The following SEMA7A variants were observed in gnomAD, a reference collection of about 807,000 sequenced individuals.
The protein encoded by SEMA7A is semaphorin-7A.
Under a neutral mutation model 67.5 loss-of-function variants are expected in SEMA7A, and 21 were observed. The observed-to-expected ratio is 0.31, with a 90% confidence interval of 0.22 to 0.45. The LOEUF is 0.45. SEMA7A is among the 20% of genes least tolerant of loss of function. The pLI is 1.00. For missense variants in SEMA7A, 774 were observed against 908.6 expected (o/e 0.85, Z 1.90); for synonymous variants, 364 against 368.5 (o/e 0.99, Z 0.14).
chr15:74,420,199 G>A (rs898471180), intron 1 of SEMA7A, among the ~76,000 whole-genome samples: 13 of 152,188 alleles, frequency 8.5e-5, no homozygotes, highest in African/African-American at 3.1e-4. Flanking sequence ...GCATTTAACA[G>A]GGGCAAGGAG....
chr15:74,417,961 C>T lies in SEMA7A; in HGVS notation c.381G>A (p.Glu127=), dbSNP rs1341492090. Residue 127 remains glutamate (E), a synonymous_variant, in exon 4 of 14, where the codon GAG becomes GAA. Coordinates refer to ENST00000261918, the MANE Select transcript of SEMA7A (RefSeq NM_003612.5). ...KGSCLDKRDC[E]NYITLLERRS... is the part of the protein sequence containing the mutation. ...GCCTCTCCAGGAGAGTGATGTAGTT[C>T]TCGCAGTCCTGCCCGGGGAAGAGAG... The T allele has an allele frequency of 1.2e-6, 2 of 1,612,980 alleles. No individual in the cohort carries two copies. Among genetic ancestry groups the T allele is most frequent in the Non-Finnish European group, 1.7e-6 (2 of 1,179,986 alleles).
chr15:74,422,906 T>C (rs2061012162), intron 1 of SEMA7A, among the ~76,000 whole-genome samples: 1 of 152,072 alleles, frequency 6.6e-6, no homozygotes, highest in Admixed American at 6.5e-5. Flanking sequence ...GAAAGAGGAG[T>C]GCAGCTCCAG....
Position 74,414,960 on chromosome 15 carries a change from G to T in SEMA7A, c.987-14C>A. The T allele has an allele frequency of 1.2e-6, 2 of 1,609,954 alleles. No individual in the cohort carries two copies. Among genetic ancestry groups the T allele is most frequent in the African/African-American group, 1.3e-5 (1 of 74,932 alleles). ...GCTGAGTAGTTCCTGCAGTGACATGGAGACCAGCTCAATGGGGGGCCCAGA... is the reference window on the plus strand; with the variant it reads ...GCTGAGTAGTTCCTGCAGTGACATGTAGACCAGCTCAATGGGGGGCCCAGA... On this transcript the variant is annotated splice_polypyrimidine_tract_variant and intron_variant, in intron 8 of 13. Transcript: ENST00000261918. The surrounding 1 kb of genome is among the most constrained non-coding windows in gnomAD (Gnocchi z 4.1).
In SEMA7A at chr15:74,419,044, T is replaced by C. The variant is rs978788286; in HGVS notation, c.179-92A>G. 1.8e-5 allele frequency: 26 copies of C among 1,442,866 alleles called. No individual in the cohort carries two copies. The African/African-American group carries it at 2.8e-4, about 16-fold the overall frequency. 89.4% of individuals were successfully genotyped at this position (1,442,866 alleles called of 1,614,324 possible). A position where few individuals can be genotyped will look rare whatever the true frequency, so the allele number is the denominator to read the frequency against. The stretch of plus-strand genomic sequence containing the variant: ...CCACATGGCACACTGGAACCAGTGC[T>C]TGGTGCTCAGGGTCCTGGCAGGGCG... On this transcript the variant is annotated intron_variant, in intron 1 of 13. Coordinates refer to ENST00000261918, the MANE Select transcript of SEMA7A (RefSeq NM_003612.5).
rs1567072178 is a variant in SEMA7A at position 74,415,860 on chromosome 15, GAGCAGGA to G, written c.920_926del (p.Phe307SerfsTer89). The G allele has an allele frequency of 1.2e-6, 2 of 1,614,120 alleles. No homozygotes were observed. Among genetic ancestry groups the G allele is most frequent in the Non-Finnish European group, 1.7e-6 (2 of 1,179,980 alleles). ...CCCTCCACTGGCCGCTGGGGTCAGG[GAGCAGGA>G]AGACGTCTTGCAGCCTGTTGAAGTT... On this transcript the variant is annotated frameshift_variant, in exon 8 of 14. Transcript: ENST00000261918. LOFTEE classifies it high-confidence loss of function.
At chr15:74,418,661 C>A (rs1221439018) in intron 2 of SEMA7A, 140 bp downstream of exon 2, 4 of 955,128 alleles carry the variant, frequency 4.2e-6, no homozygotes, top group Non-Finnish European at 6.2e-6. Flanking sequence ...GGAGCCTCCC[C>A]CAGGAGCCAT....
In SEMA7A at chr15:74,432,835, G is replaced by A. The variant is rs1053497875; in HGVS notation, c.178+906C>T. Among the ~76,000 whole-genome samples the A allele has an allele frequency of 2.6e-5, 4 of 152,102 alleles. No homozygotes were observed. The East Asian group carries it at 7.8e-4, about 30-fold the overall frequency. On this transcript the variant is annotated intron_variant, in intron 1 of 13. Transcript: ENST00000261918. ...GGCATTTGTGTGCAATGCAGGGGAG[G>A]GGAGATCAGTTCCTCGCGGCAGAAA...
Position 74,411,424 on chromosome 15 carries a change from C to G in SEMA7A, c.1578-68G>C, listed in dbSNP as rs751798959. On this transcript the variant is annotated intron_variant, in intron 12 of 13. Coordinates refer to ENST00000261918, the MANE Select transcript of SEMA7A (RefSeq NM_003612.5). This position sits in a 1 kb window ranked among gnomAD's most constrained non-coding sequence, Gnocchi z 4.4. ...GCAGACCTGACCCTCCTATCCTTACCCCAGTGCAGTTCCAGCAGAGAGGAG... is the reference window on the plus strand; with the variant it reads ...GCAGACCTGACCCTCCTATCCTTACGCCAGTGCAGTTCCAGCAGAGAGGAG... 1.9e-6 allele frequency: 3 copies of G among 1,579,458 alleles called. No individual in the cohort carries two copies. The highest frequency in any genetic ancestry group is 2.6e-6 in the Non-Finnish European group (3 of 1,159,280).
At chr15:74,413,137 CTG>C (rs1555429292) in intron 10 of SEMA7A, among the ~76,000 whole-genome samples, 1 of 151,610 alleles carries the variant, frequency 6.6e-6, no homozygotes, top group Non-Finnish European at 1.5e-5. Flanking sequence ...TCTGTGGACT[CTG>C]AGATGTGGCC....
At chr15:74,418,995 G>A (rs371090563) in intron 1 of SEMA7A, 43 bp from the exon 2 acceptor site, 23 of 1,595,990 alleles carry the variant, frequency 1.4e-5, no homozygotes, top group East Asian at 4.5e-5. Flanking sequence ...GCCAGGTCCC[G>A]AGAGAGAAGA....
Position 74,423,696 on chromosome 15 carries a change from A to G in SEMA7A, c.179-4744T>C, listed in dbSNP as rs1390230328. On this transcript the variant is annotated intron_variant, in intron 1 of 13. Transcript: ENST00000261918. The surrounding 1 kb of genome is among the most constrained non-coding windows in gnomAD (Gnocchi z 4.1). The stretch of plus-strand genomic sequence containing the variant: ...GATCTCCTAGGGGCCTTTAGTGATC[A>G]AAGCCTTAAATCCAAAGGAGTGACT... Among the ~76,000 whole-genome samples, 1 of 152,208 alleles carries G rather than the reference A, an allele frequency of 6.6e-6. No individual in the cohort carries two copies. The highest frequency in any genetic ancestry group is 1.9e-4 in the East Asian group (1 of 5,200).
At position 74,411,317 on chromosome 15, in the gene SEMA7A, C is replaced by T. The variant is rs777981953; in HGVS notation, c.1617G>A (p.Lys539=). 1 of 1,614,112 alleles carries T rather than the reference C, an allele frequency of 6.2e-7. No individual in the cohort carries two copies. Among genetic ancestry groups the T allele is most frequent in the Admixed American group, 1.7e-5 (1 of 60,010 alleles). Reference sequence around the variant, plus strand: ...TACCTGGTTTGGGGTTGGGACACTCCTTGTGTGGCTCGGCTGGATTAATGG... The same window carrying T: ...TACCTGGTTTGGGGTTGGGACACTCTTTGTGTGGCTCGGCTGGATTAATGG... The part of the protein sequence containing the change: ...LQSINPAEPH[K]ECPNPKPDKA... The change falls in exon 13 of 14, where the codon AAG becomes AAA. Residue 539 remains lysine, a synonymous_variant. Coordinates refer to ENST00000261918, the MANE Select transcript of SEMA7A (RefSeq NM_003612.5). The surrounding 1 kb of genome is among the most constrained non-coding windows in gnomAD (Gnocchi z 4.4).
intron 6 of SEMA7A, 122 bp downstream of exon 6, chr15:74,417,213 T>TGCTTTCCTGCATGGCCCC (rs2060957918): frequency 2.6e-6 from 2 of 775,172 alleles, no homozygotes; most frequent in African/African-American, 1.7e-5. Context: ...ACCAAGGTCC[T>TGCTTTCCTGCATGGCCCC]GCTTTCCTGC....
chr15:74,410,111 G>A lies in SEMA7A; in HGVS notation c.*513C>T, dbSNP rs543011537. 6.4e-6 allele frequency: 1 copy of A among 155,154 alleles called. No homozygotes were observed. Among genetic ancestry groups the A allele is most frequent in the Non-Finnish European group, 1.4e-5 (1 of 70,258 alleles). The allele number at this position is 155,154 out of a possible 1,614,324, so 9.6% of individuals were successfully genotyped here. On this transcript the variant is annotated 3_prime_UTR_variant, in exon 14 of 14. Transcript: ENST00000261918. This position sits in a 1 kb window ranked among gnomAD's most constrained non-coding sequence, Gnocchi z 7.5. ...CTGTCCTGTGGGACCCAGGACCAGAGAGGGAGCTGCAGAGGACAGGGCTGG... is the reference window on the plus strand; with the variant it reads ...CTGTCCTGTGGGACCCAGGACCAGAAAGGGAGCTGCAGAGGACAGGGCTGG...
chr15:74,422,316 TC>T (rs1013059363), intron 1 of SEMA7A, among the ~76,000 whole-genome samples: 3 of 151,122 alleles, frequency 2.0e-5, no homozygotes, highest in African/African-American at 7.3e-5. Context: ...TGGCACCGTG[TC>T]CCCCCCTCAC....
In SEMA7A at chr15:74,411,407, G is replaced by T; in HGVS notation, c.1578-51C>A. 6.2e-7 allele frequency: 1 copy of T among 1,600,478 alleles called. No homozygotes were observed. Among genetic ancestry groups the T allele is most frequent in the Non-Finnish European group, 8.5e-7 (1 of 1,171,542 alleles). Reference sequence around the variant, plus strand: ...TCAGCAGATACAAGGCTGCAGACCTGACCCTCCTATCCTTACCCCAGTGCA... The same window carrying T: ...TCAGCAGATACAAGGCTGCAGACCTTACCCTCCTATCCTTACCCCAGTGCA... On this transcript the variant is annotated intron_variant, in intron 12 of 13. Transcript: ENST00000261918. This position sits in a 1 kb window ranked among gnomAD's most constrained non-coding sequence, Gnocchi z 4.4.
chr15:74,417,731 A>C, intron 4 of SEMA7A, 56 bp from the exon 5 acceptor site: 1 of 1,560,928 alleles, frequency 6.4e-7, no homozygotes, highest in Non-Finnish European at 8.8e-7. Context: ...ACTGCCTCCC[A>C]TGACGGCCAG....
Position 74,417,909 on chromosome 15 carries a change from T to C in SEMA7A, c.433A>G (p.Thr145Ala), listed in dbSNP as rs773780325. 6.2e-7 allele frequency: 1 copy of C among 1,613,332 alleles called. No individual in the cohort carries two copies. ...CAGCAGCTGGGGTGCCGGGCGTTGG[T>C]GCCACAGGCCAGCAGCCCCTCACTC... is the stretch of plus-strand genomic sequence containing the variant. ...RRSEGLLACG[T>A]NARHPSCWNL... Residue 145 changes from threonine (T) to alanine (A), a missense_variant, in exon 4 of 14, where the codon ACC (threonine) becomes GCC (alanine). This residue lies in a region of SEMA7A where 347 missense variants were observed against 353.2 expected (regional missense o/e 0.98). Transcript: ENST00000261918.
chr15:74,426,834 C>T (rs1386676300), intron 1 of SEMA7A, among the ~76,000 whole-genome samples: 1 of 152,138 alleles, frequency 6.6e-6, no homozygotes, highest in Non-Finnish European at 1.5e-5. Context: ...GTGTGCTCAC[C>T]AGCCAGGTCC....
Sources: allele counts gnomAD v4.1 joint callset (sites outside exome capture counted in the v4.1 genomes callset), GRCh38; gene constraint gnomAD v4.1.1; regional missense constraint gnomAD v4.1.1; non-coding constraint Gnocchi (gnomAD v3.1); transcripts MANE v1.5; gene names NCBI Gene and HGNC (gene_info 2026-07-23, HGNC 2026-07-21).